The following DZIP3 variants were observed in gnomAD, a reference collection of about 807,000 sequenced individuals.
DZIP3 encodes the protein E3 ubiquitin-protein ligase DZIP3.
DZIP3 carries 118 observed loss-of-function variants against 162.0 expected under a neutral mutation model. That is an observed-to-expected ratio of 0.73 (90% CI 0.63 to 0.85). The LOEUF is 0.85. Ranked by LOEUF, DZIP3 falls within the 40% of genes least tolerant of loss-of-function variation. DZIP3 has a pLI of 0.00. For missense variants in DZIP3, 1,331 were observed against 1,407.0 expected, an observed-to-expected ratio of 0.95 and a Z score of 0.86; for synonymous variants, 438 against 458.6, an observed-to-expected ratio of 0.96 and a Z score of 0.57.
At position 108,644,637 on chromosome 3, in the gene DZIP3, C is replaced by T. The variant is rs140281889; in HGVS notation, c.1615C>T (p.Arg539Cys). 78 of 1,613,872 alleles carry T rather than the reference C, an allele frequency of 4.8e-5. No homozygotes were observed. The highest frequency in any genetic ancestry group is 1.6e-4 in the Middle Eastern group (1 of 6,082). ...GAAAAAAGTTTCAGATATTCTTCTGCGCCTTGGGATGATGCAAGAGGATAT... is the reference window on the plus strand; with the variant it reads ...GAAAAAAGTTTCAGATATTCTTCTGTGCCTTGGGATGATGCAAGAGGATAT... ...IWKKVSDILL[R>C]LGMMQEDIDK... Residue 539 changes from arginine to cysteine, a missense_variant, in exon 14 of 33, where the codon CGC (arginine) becomes TGC (cysteine). Arg to Cys is a radical substitution (Grantham distance 180). Around this residue, in one of 2 missense-constraint regions of DZIP3, gnomAD observed 1,278 missense variants for 1,317.1 expected, o/e 0.97. Coordinates refer to ENST00000361582, the MANE Select transcript of DZIP3 (RefSeq NM_014648.4).
rs1471727830 is a variant in DZIP3, at chr3:108,644,479, G to T, written c.1457G>T (p.Gly486Val). ...HLNVFPAPKK[G>V]WNMEPPSSDI... ...AATGTGTTCCCTGCACCCAAAAAAG[G>T]ATGGAATATGGAACCGCCATCTTCT... The change falls in exon 14 of 33, where the codon GGA (glycine) becomes GTA (valine). Residue 486 changes from glycine (G) to valine (V), a missense_variant. Physicochemically the swap from Gly to Val is moderately radical, Grantham distance 109 (BLOSUM62 -3). Around this residue, in one of 2 missense-constraint regions of DZIP3, gnomAD observed 1,278 missense variants for 1,317.1 expected, o/e 0.97. Coordinates refer to ENST00000361582, the MANE Select transcript of DZIP3 (RefSeq NM_014648.4). The T allele has an allele frequency of 6.2e-7, 1 of 1,613,942 alleles. No homozygotes were observed. The highest frequency in any genetic ancestry group is 8.5e-7 in the Non-Finnish European group (1 of 1,179,984).
intron 25 of DZIP3, among the ~76,000 whole-genome samples, chr3:108,676,197 C>T (rs143969632): frequency 3.9e-5 from 6 of 152,168 alleles, no homozygotes; most frequent in Non-Finnish European, 8.8e-5. Context: ...TGCCTATAAT[C>T]CCAGCATTTT....
In DZIP3 at chr3:108,604,919, A is replaced by G. The variant is rs186708076; in HGVS notation, c.-72-416A>G. On this transcript the variant is annotated intron_variant, in intron 1 of 32. Coordinates refer to ENST00000361582, the MANE Select transcript of DZIP3 (RefSeq NM_014648.4). ...AAATGTGGAAAAAGCTGTATGGATAATTGAGTTTATCATGGAACTATTTAT... is the reference window on the plus strand; with the variant it reads ...AAATGTGGAAAAAGCTGTATGGATAGTTGAGTTTATCATGGAACTATTTAT... 1.2e-4 allele frequency among the ~76,000 whole-genome samples: 19 copies of G among 152,312 alleles called. 1 individual carries two copies. The highest frequency in any genetic ancestry group is 5.2e-4 in the Admixed American group (8 of 15,294).
chr3:108,682,215 G>T (rs1944342890), intron 26 of DZIP3, among the ~76,000 whole-genome samples: 1 of 150,966 alleles, frequency 6.6e-6, no homozygotes, highest in South Asian at 2.1e-4. Flanking sequence ...ACAGTATCGA[G>T]GTTCCTCAAA....
chr3:108,624,245 G>A (rs2107562915), intron 5 of DZIP3, among the ~76,000 whole-genome samples, 199 bp from the exon 6 acceptor site: 1 of 152,052 alleles, frequency 6.6e-6, no homozygotes, highest in African/African-American at 2.4e-5. Flanking sequence ...TGAGATTATT[G>A]ACTATCCTCT....
intron 27 of DZIP3, 125 bp from the exon 28 acceptor site, chr3:108,686,320 A>AG: frequency 1.1e-6 from 1 of 901,362 alleles, no homozygotes; most frequent in Non-Finnish European, 1.6e-6. Flanking sequence ...AAATATTAAG[A>AG]GAAAAACTGT....
chr3:108,626,243 T>G (rs1250901435), intron 7 of DZIP3, among the ~76,000 whole-genome samples: 1 of 152,238 alleles, frequency 6.6e-6, no homozygotes, highest in Non-Finnish European at 1.5e-5. Context: ...ACATTTTTTA[T>G]CACTTATGCT....
chr3:108,660,802 A>AACAG (rs1943387790), intron 19 of DZIP3, among the ~76,000 whole-genome samples: 1 of 149,176 alleles, frequency 6.7e-6, no homozygotes, highest in South Asian at 2.1e-4. Flanking sequence ...GAAAAAAACA[A>AACAG]CCCCATCAAC....
At chr3:108,631,055 A>ACACACACGCACACATACACTCTCTCTCT in intron 8 of DZIP3, among the ~76,000 whole-genome samples, 3 of 18,006 alleles carry the variant, frequency 1.7e-4, no homozygotes, top group East Asian at 5.0e-3. Flanking sequence ...ACACACACAC[A>ACACACACGCACACATACACTCTCTCTCT]CTCTCTCTCT....
chr3:108,631,043 A>ACTCT (rs1559741160), intron 8 of DZIP3, among the ~76,000 whole-genome samples: 6 of 90,272 alleles, frequency 6.6e-5, no homozygotes, highest in Admixed American at 2.5e-4. Context: ...ACACACACAC[A>ACTCT]CACACACACA....
chr3:108,601,350 G>A (rs1258245479), intron 1 of DZIP3, among the ~76,000 whole-genome samples: 1 of 152,060 alleles, frequency 6.6e-6, no homozygotes, highest in Admixed American at 6.6e-5. Context: ...AAAATGCATA[G>A]GAAAACTTCC....
chr3:108,626,049 C>T (rs1276815807), intron 7 of DZIP3, 80 bp downstream of exon 7: 1 of 1,453,468 alleles, frequency 6.9e-7, no homozygotes, highest in African/African-American at 1.4e-5. Context: ...CACAGTATAT[C>T]AGGCATTGTG....
At chr3:108,619,211 A>G (rs1380930738) in intron 5 of DZIP3, among the ~76,000 whole-genome samples, 2 of 152,012 alleles carry the variant, frequency 1.3e-5, no homozygotes, top group African/African-American at 4.8e-5. Context: ...TTCAGTCAAT[A>G]TAGAGCTTAT....
At chr3:108,626,912 T>C (rs938527323) in intron 7 of DZIP3, among the ~76,000 whole-genome samples, 1 of 152,258 alleles carries the variant, frequency 6.6e-6, no homozygotes, top group Admixed American at 6.5e-5. Flanking sequence ...CAAACTCTTA[T>C]GAAGGATTAC....
At chr3:108,643,815 G>A (rs1942502585) in intron 13 of DZIP3, among the ~76,000 whole-genome samples, 1 of 152,002 alleles carries the variant, frequency 6.6e-6, no homozygotes, top group Non-Finnish European at 1.5e-5. Context: ...GTTAGACATT[G>A]ACAATTAGCA....
chr3:108,590,009 T>C (rs2107391777), intron 1 of DZIP3, 170 bp downstream of exon 1: 1 of 152,284 alleles, frequency 6.6e-6, no homozygotes, highest in South Asian at 2.1e-4. Context: ...GACCAAAGTA[T>C]TTGTCACATT....
At chr3:108,603,558 G>A (rs9857110) in intron 1 of DZIP3, among the ~76,000 whole-genome samples, 2,893 of 152,276 alleles carry the variant, frequency 0.019, 100 homozygotes, top group African/African-American at 0.066. Flanking sequence ...TATTCATTCT[G>A]TGTAGGCAAG....
rs766879577 is a variant in DZIP3 at position 108,677,583 on chromosome 3, C to G, written c.2868C>G (p.Pro956=). The part of the protein sequence containing the change: ...LPPVQLPPPP[P]SPEILMQQFL... ...CAGTCCAGCTTCCTCCTCCACCACC[C>G]AGTCCTGAGATACTGGTAAGAAATA... Residue 956 remains proline (P), a synonymous_variant, in exon 26 of 33, where the codon CCC becomes CCG. Transcript: ENST00000361582. 2.1e-5 allele frequency: 34 copies of G among 1,612,058 alleles called. No individual in the cohort carries two copies. Among genetic ancestry groups the G allele is most frequent in the Non-Finnish European group, 1.8e-5 (21 of 1,178,666 alleles).
chr3:108,638,182 C>T (rs1032160017), intron 12 of DZIP3, among the ~76,000 whole-genome samples: 3 of 152,156 alleles, frequency 2.0e-5, no homozygotes, highest in Admixed American at 6.5e-5. Context: ...ACCTTATATA[C>T]CTACCTGCAT....
Sources: gnomAD v4.1 joint callset for allele counts (sites outside exome capture counted in the v4.1 genomes callset) on GRCh38, gnomAD v4.1.1 for gene constraint, gnomAD v4.1.1 regional missense constraint, MANE v1.5 for transcripts, NCBI Gene and HGNC (gene_info 2026-07-23, HGNC 2026-07-21) for gene names.